The following SPRTN variants were observed in gnomAD, a reference collection of about 807,000 sequenced individuals.
SPRTN encodes SprT-like N-terminal domain, also known as DNA-dependent metalloprotease SPRTN.
SPRTN carries 11 observed loss-of-function variants against 31.9 expected under a neutral mutation model. That is an observed-to-expected ratio of 0.34 (90% confidence interval 0.22 to 0.57). SPRTN has a LOEUF of 0.57. SPRTN is among the 20% of genes least tolerant of loss of function. SPRTN has a pLI of 0.86. For missense variants in SPRTN, 482 were observed against 590.1 expected (o/e 0.82, Z 1.90); for synonymous variants, 185 against 212.1 (o/e 0.87, Z 1.11).
chr1:231,340,075 T>C (rs1231872989), intron 2 of SPRTN: 3 of 439,444 alleles, frequency 6.8e-6, no homozygotes, highest in Admixed American at 4.0e-5. Context: ...AAAAAAGGCT[T>C]CTAGGGGCCG....
rs765569992 is a variant in SPRTN, at chr1:231,353,350, G to C, written c.1459G>C (p.Glu487Gln). ...EGDSIKVKSE[E>Q]SL ...TGACAGCATCAAAGTCAAAAGCGAAGAAAGTCTTTGAAAAAGGTTTCAAAG... is the reference window on the plus strand; with the variant it reads ...TGACAGCATCAAAGTCAAAAGCGAACAAAGTCTTTGAAAAAGGTTTCAAAG... The change falls in exon 5 of 5, where the codon GAA becomes CAA. Residue 487 changes from glutamate to glutamine, a missense_variant. By Grantham distance (29) the Glu-to-Gln change is conservative. Coordinates refer to ENST00000295050, the MANE Select transcript of SPRTN (RefSeq NM_032018.7). The C allele has an allele frequency of 6.3e-7, 1 of 1,577,140 alleles. No homozygotes were observed. The highest frequency in any genetic ancestry group is 2.2e-5 in the East Asian group (1 of 44,734).
rs191372325 is a variant in SPRTN at position 231,346,895 on chromosome 1, T to C, written c.322-902T>C. Among the ~76,000 whole-genome samples, 47 of 151,980 alleles carry C rather than the reference T, an allele frequency of 3.1e-4. No homozygotes were observed. The East Asian group carries it at 5.8e-3, about 19-fold the overall frequency. On this transcript the variant is annotated intron_variant, in intron 2 of 4. Coordinates refer to ENST00000295050, the MANE Select transcript of SPRTN (RefSeq NM_032018.7). ...AGGCAGAGCTTGCAGTGAGGAGAGA[T>C]TGAGCCACTGCACTCCAGCCTGGGC...
rs1409293483 is a variant in SPRTN at position 231,351,919 on chromosome 1, A to G, written c.718+348A>G. The G allele has an allele frequency of 4.9e-6, 5 of 1,015,728 alleles. No individual in the cohort carries two copies. The African/African-American group carries it at 6.9e-5, about 14-fold the overall frequency. 62.9% of individuals were successfully genotyped at this position (1,015,728 alleles called of 1,614,324 possible). ...TTGACTCACTGAGTTATTAGGAAAC[A>G]GAAGGCAAAAAGATTGTCAAAATAA... is the stretch of plus-strand genomic sequence containing the variant. On this transcript the variant is annotated intron_variant, in intron 4 of 4. Transcript: ENST00000295050.
At chr1:231,338,663 G>A in intron 1 of SPRTN, 59 bp downstream of exon 1, 2 of 1,598,908 alleles carry the variant, frequency 1.3e-6, no homozygotes, top group Non-Finnish European at 1.7e-6. Context: ...TGCAGCCCCC[G>A]GCCCTGGTTT....
At chr1:231,352,399 G>T (rs967807997) in intron 4 of SPRTN, 3 of 1,228,056 alleles carry the variant, frequency 2.4e-6, no homozygotes, top group East Asian at 3.3e-5. Context: ...AAATATGAGA[G>T]AATTTTTTTT....
At position 231,352,994 on chromosome 1, in the gene SPRTN, C is replaced by T; in HGVS notation, c.1103C>T (p.Ser368Phe). 1 of 1,614,062 alleles carries T rather than the reference C, an allele frequency of 6.2e-7. No homozygotes were observed. Among genetic ancestry groups the T allele is most frequent in the South Asian group, 1.1e-5 (1 of 91,086 alleles). The change falls in exon 5 of 5, where the codon TCT (serine) becomes TTT (phenylalanine). Residue 368 changes from serine (S) to phenylalanine (F), a missense_variant. By Grantham distance (155) the Ser-to-Phe change is radical. Around this residue, in one of 2 missense-constraint regions of SPRTN, gnomAD observed 325 missense variants for 350.2 expected, o/e 0.93. Coordinates refer to ENST00000295050, the MANE Select transcript of SPRTN (RefSeq NM_032018.7). ...CCTAAAAACTCAGTCTCTTCTAGTT[C>T]TCAGAGAAGGGTTTCATCTTCTAAG... is the stretch of plus-strand genomic sequence containing the variant. The part of the protein sequence containing the change: ...NIPKNSVSSS[S>F]QRRVSSSKIS...
At chr1:231,345,880 A>G (rs991862243) in intron 2 of SPRTN, among the ~76,000 whole-genome samples, 1 of 152,016 alleles carries the variant, frequency 6.6e-6, no homozygotes, top group Non-Finnish European at 1.5e-5. Flanking sequence ...GGAGGTAATC[A>G]TAGCTCACTG....
intron 2 of SPRTN, among the ~76,000 whole-genome samples, chr1:231,340,252 A>AGCTACTC (rs1289727644): frequency 6.6e-6 from 1 of 151,912 alleles, no homozygotes; most frequent in African/African-American, 2.4e-5. Flanking sequence ...CTGTAGTCCC[A>AGCTACTC]GCTACTCGGG....
At chr1:231,351,816 CT>C (rs1347009241) in intron 4 of SPRTN, 5 of 1,121,486 alleles carry the variant, frequency 4.5e-6, no homozygotes, top group Admixed American at 4.8e-5. Context: ...TTTTTATTAA[CT>C]TTTTTCAGTT....
At chr1:231,338,786 A>T (rs1191174633) in intron 1 of SPRTN, among the ~76,000 whole-genome samples, 182 bp downstream of exon 1, 2 of 151,916 alleles carry the variant, frequency 1.3e-5, no homozygotes, top group Admixed American at 6.6e-5. Context: ...CTTTTCTCCC[A>T]CTCGAACAAT....
Position 231,353,311 on chromosome 1 carries a change from T to C in SPRTN, c.1420T>C (p.Trp474Arg). 1.2e-6 allele frequency: 2 copies of C among 1,602,364 alleles called. No homozygotes were observed. The highest frequency in any genetic ancestry group is 1.7e-6 in the Non-Finnish European group (2 of 1,177,002). ...GTCTCAGATTAATGAGCACTTGGAC[T>C]GGTGCCTTGAAGGTGACAGCATCAA... is the stretch of plus-strand genomic sequence containing the variant. Reference protein sequence around the residue: ...LESQINEHLDWCLEGDSIKVK... With the variant: ...LESQINEHLDRCLEGDSIKVK... Residue 474 changes from tryptophan to arginine, a missense_variant, in exon 5 of 5, where the codon TGG becomes CGG. Physicochemically the swap from Trp to Arg is moderately radical, Grantham distance 101 (BLOSUM62 -3). This residue lies in a region of SPRTN where 325 missense variants were observed against 350.2 expected (regional missense o/e 0.93). Coordinates refer to ENST00000295050, the MANE Select transcript of SPRTN (RefSeq NM_032018.7).
chr1:231,353,125 GAAGAT>G lies in SPRTN; in HGVS notation c.1239_1243del (p.Lys414CysfsTer3). On this transcript the variant is annotated frameshift_variant, in exon 5 of 5. Coordinates refer to ENST00000295050, the MANE Select transcript of SPRTN (RefSeq NM_032018.7). LOFTEE classifies it low-confidence loss of function (END_TRUNC). ...ATTCCCAAATAAACGACCTAGGCTA[GAAGAT>G]AAGACTGTTTTTGACAATTTTTTTA... 6.2e-7 allele frequency: 1 copy of G among 1,613,066 alleles called. No homozygotes were observed. The highest frequency in any genetic ancestry group is 2.2e-5 in the East Asian group (1 of 44,874).
intron 3 of SPRTN, among the ~76,000 whole-genome samples, chr1:231,351,070 CT>C (rs1687211618): frequency 6.6e-6 from 1 of 151,924 alleles, no homozygotes; most frequent in African/African-American, 2.4e-5. Context: ...CCATGTGCAT[CT>C]ATCTTTACAC....
Position 231,353,562 on chromosome 1 carries a change from T to C in SPRTN, c.*201T>C, listed in dbSNP as rs1687306630. ...GTGTCTCAGGGTGCTACATTCACTC[T>C]TGCCTTAGGTATACTGTAACCCAGG... On this transcript the variant is annotated 3_prime_UTR_variant, in exon 5 of 5. Transcript: ENST00000295050. The C allele has an allele frequency of 1.6e-6, 2 of 1,270,222 alleles. No homozygotes were observed. The highest frequency in any genetic ancestry group is 3.1e-5 in the East Asian group (1 of 31,822). 78.7% of individuals were successfully genotyped at this position (1,270,222 alleles called of 1,614,324 possible). A position where few individuals can be genotyped will look rare whatever the true frequency, so the allele number is the denominator to read the frequency against.
intron 2 of SPRTN, chr1:231,344,703 A>T (rs2102866217): frequency 3.1e-6 from 1 of 326,064 alleles, no homozygotes; most frequent in East Asian, 8.7e-5. Flanking sequence ...ATTATGGAGG[A>T]TCATGAAAAA....
At chr1:231,344,218 G>A (rs983212048) in intron 2 of SPRTN, among the ~76,000 whole-genome samples, 3 of 152,068 alleles carry the variant, frequency 2.0e-5, no homozygotes, top group African/African-American at 4.8e-5. Context: ...TTCGTTGAGC[G>A]GCATTTACTT....
In SPRTN at chr1:231,354,996, C is replaced by T; in HGVS notation, c.*1635C>T. 1 of 880,536 alleles carries T rather than the reference C, an allele frequency of 1.1e-6. No individual in the cohort carries two copies. The highest frequency in any genetic ancestry group is 1.4e-6 in the Non-Finnish European group (1 of 734,352). The allele number at this position is 880,536 out of a possible 1,614,324, so 54.5% of individuals were successfully genotyped here. Reference sequence around the variant, plus strand: ...TTTGATATTCCTTAAAGCATTAAAACATTTTAATAAATACTTATAAATAGG... The same window carrying T: ...TTTGATATTCCTTAAAGCATTAAAATATTTTAATAAATACTTATAAATAGG... On this transcript the variant is annotated 3_prime_UTR_variant, in exon 5 of 5. Transcript: ENST00000295050.
chr1:231,354,735 G>C lies in SPRTN; in HGVS notation c.*1374G>C, dbSNP rs1254131776. The C allele has an allele frequency of 6.6e-6, 1 of 152,508 alleles. No homozygotes were observed. The highest frequency in any genetic ancestry group is 1.5e-5 in the Non-Finnish European group (1 of 68,368). 9.4% of individuals were successfully genotyped at this position (152,508 alleles called of 1,614,324 possible). A position where few individuals can be genotyped will look rare whatever the true frequency, so the allele number is the denominator to read the frequency against. ...TCCATTCTAATGTTAATGGACATTT[G>C]AATTATTTCCAGTTTGGGGCTGTTA... On this transcript the variant is annotated 3_prime_UTR_variant, in exon 5 of 5. Transcript: ENST00000295050.
intron 1 of SPRTN, among the ~76,000 whole-genome samples, chr1:231,339,053 A>G (rs905237719): frequency 6.6e-6 from 1 of 152,154 alleles, no homozygotes; most frequent in East Asian, 1.9e-4. Context: ...CGTGTGTTGC[A>G]TTGGGGATCT....
Sources: gnomAD v4.1 joint callset for allele counts (sites outside exome capture counted in the v4.1 genomes callset) on GRCh38, gnomAD v4.1.1 for gene constraint, gnomAD v4.1.1 regional missense constraint, MANE v1.5 for transcripts, NCBI Gene and HGNC (gene_info 2026-07-23, HGNC 2026-07-21) for gene names.